Variants in BRINP3 observed in about 807,000 individuals in gnomAD.
BRINP3 encodes BMP/retinoic acid inducible neural specific 3, also known as BMP/retinoic acid-inducible neural-specific protein 3.
BRINP3 carries 19 observed loss-of-function variants against 71.0 expected under a neutral mutation model. That is an observed-to-expected ratio of 0.27 (90% CI 0.19 to 0.39). BRINP3 has a LOEUF of 0.39. Ranked by LOEUF, BRINP3 falls within the 10% of genes least tolerant of loss-of-function variation. The probability of loss-of-function intolerance (pLI) is 1.00; values close to 1 mark genes in which losing one functional copy is unlikely to be tolerated. For synonymous variants in BRINP3, 380 were observed against 337.7 expected (o/e 1.13, Z -1.37); for missense variants, 959 against 940.8 (o/e 1.02, Z -0.25).
In BRINP3 at chr1:190,226,174, T is replaced by C. The variant is rs201980106; in HGVS notation, c.869A>G (p.Asn290Ser). Residue 290 changes from asparagine to serine, a missense_variant, in exon 6 of 8, where the codon AAC (asparagine) becomes AGC (serine). Coordinates refer to ENST00000367462, the MANE Select transcript of BRINP3 (RefSeq NM_199051.3). ...GGCTTGAATGTCCATGGAGGGGCAG[T>C]TGCATTCTGGAAATTTGGGACCACA... The part of the protein sequence containing the change: ...CHCGPKFPEC[N>S]CPSMDIQAME... 99 of 1,612,572 alleles carry C rather than the reference T, an allele frequency of 6.1e-5. No homozygotes were observed. The South Asian group carries it at 9.4e-4, about 15-fold the overall frequency.
chr1:190,230,747 G>T (rs1193370492), intron 5 of BRINP3, among the ~76,000 whole-genome samples: 3 of 151,418 alleles, frequency 2.0e-5, no homozygotes, highest in Non-Finnish European at 4.4e-5. Flanking sequence ...AGTGGAAAAA[G>T]AATTGTTCCT....
chr1:190,401,589 T>C (rs565883909), intron 2 of BRINP3, among the ~76,000 whole-genome samples: 15 of 152,120 alleles, frequency 9.9e-5, no homozygotes, highest in African/African-American at 2.9e-4. Flanking sequence ...ACCTATGGAA[T>C]CGGAAATCTG....
chr1:190,344,776 C>A lies in BRINP3; in HGVS notation c.237-63026G>T, dbSNP rs939819154. Reference sequence around the variant, plus strand: ...CTAGCTAAATAATGATAGTGGTAGACACAGTATTAAATTATTGCTAGTCAG... The same window carrying A: ...CTAGCTAAATAATGATAGTGGTAGAAACAGTATTAAATTATTGCTAGTCAG... On this transcript the variant is annotated intron_variant, in intron 2 of 7. Transcript: ENST00000367462. Among the ~76,000 whole-genome samples, 4 of 151,742 alleles carry A rather than the reference C, an allele frequency of 2.6e-5. No homozygotes were observed. The South Asian group carries it at 8.3e-4, about 32-fold the overall frequency.
At chr1:190,441,020 T>A (rs1674780348) in intron 2 of BRINP3, among the ~76,000 whole-genome samples, 1 of 151,986 alleles carries the variant, frequency 6.6e-6, no homozygotes, top group Non-Finnish European at 1.5e-5. Flanking sequence ...AATTCACTTA[T>A]TTTCTCCTTA....
At chr1:190,239,039 G>A (rs1452818767) in intron 4 of BRINP3, among the ~76,000 whole-genome samples, 1 of 152,122 alleles carries the variant, frequency 6.6e-6, no homozygotes, top group Non-Finnish European at 1.5e-5. Flanking sequence ...GTCTTACATG[G>A]TGGCAGGTGA....
chr1:190,218,210 G>A (rs1656573856), intron 6 of BRINP3, among the ~76,000 whole-genome samples: 1 of 151,592 alleles, frequency 6.6e-6, no homozygotes, highest in Admixed American at 6.6e-5. Flanking sequence ...ATCAGCCCTT[G>A]CTTAGGCAAA....
At chr1:190,243,155 T>C (rs1659271911) in intron 4 of BRINP3, among the ~76,000 whole-genome samples, 1 of 152,114 alleles carries the variant, frequency 6.6e-6, no homozygotes. Flanking sequence ...GGTTCTTAAA[T>C]TATTGATTTA....
chr1:190,391,785 T>C (rs1671266297), intron 2 of BRINP3, among the ~76,000 whole-genome samples: 1 of 151,762 alleles, frequency 6.6e-6, no homozygotes, highest in Admixed American at 6.6e-5. Context: ...GCTTACCAGA[T>C]TATTAGTGTC....
intron 7 of BRINP3, among the ~76,000 whole-genome samples, chr1:190,126,344 C>G (rs1373144157): frequency 6.6e-6 from 1 of 151,828 alleles, no homozygotes; most frequent in African/African-American, 2.4e-5. Flanking sequence ...CTTGAATTTG[C>G]AGAACTATCT....
chr1:190,319,941 A>G (rs985117721), intron 2 of BRINP3, among the ~76,000 whole-genome samples: 1 of 152,106 alleles, frequency 6.6e-6, no homozygotes, highest in Admixed American at 6.6e-5. Context: ...TGTCATTTTT[A>G]AATTTTAAAA....
At chr1:190,453,201 G>GTTTTTTTTTTTTTTTTTTTTTTTTTTTTT (rs745819844) in intron 2 of BRINP3, among the ~76,000 whole-genome samples, 2 of 37,856 alleles carry the variant, frequency 5.3e-5, no homozygotes, top group African/African-American at 7.8e-5. Context: ...AAAAACTTTA[G>GTTTTTTTTTTTTTTTTTTTTTTTTTTTTT]TATTTTTTTT....
chr1:190,473,161 C>T (rs1677256194), intron 1 of BRINP3, among the ~76,000 whole-genome samples: 1 of 151,870 alleles, frequency 6.6e-6, no homozygotes, highest in South Asian at 2.1e-4. Context: ...TATGTATACA[C>T]ACACACAAAC....
intron 2 of BRINP3, among the ~76,000 whole-genome samples, chr1:190,340,749 A>C (rs935576841): frequency 1.3e-5 from 2 of 151,564 alleles, no homozygotes; most frequent in African/African-American, 4.8e-5. Context: ...CAAAAAAAAA[A>C]ATCTGTGTAA....
intron 2 of BRINP3, among the ~76,000 whole-genome samples, chr1:190,350,234 T>A (rs1668291100): frequency 6.6e-6 from 1 of 151,970 alleles, no homozygotes; most frequent in South Asian, 2.1e-4. Flanking sequence ...TCTACAAATC[T>A]CCTTAAATGT....
chr1:190,227,980 A>G (rs1221390890), intron 5 of BRINP3, among the ~76,000 whole-genome samples: 3 of 151,946 alleles, frequency 2.0e-5, no homozygotes, highest in Non-Finnish European at 2.9e-5. Flanking sequence ...AGAGTTGACT[A>G]ATTTTTAAGA....
intron 6 of BRINP3, among the ~76,000 whole-genome samples, chr1:190,210,388 C>A (rs1027705322): frequency 1.3e-5 from 2 of 151,920 alleles, no homozygotes; most frequent in African/African-American, 4.8e-5. Flanking sequence ...TTTTATGATG[C>A]TGAATCAAAG....
Position 190,140,725 on chromosome 1 carries a change from A to G in BRINP3, c.1184+19943T>C, listed in dbSNP as rs117263116. On this transcript the variant is annotated intron_variant, in intron 7 of 7. Transcript: ENST00000367462. ...TTTCAAAACAGCACATAAACATTGA[A>G]CTAGTCACATAATTCAAGGATACCA... Among the ~76,000 whole-genome samples the G allele has an allele frequency of 2.4e-4, 36 of 152,332 alleles. No homozygotes were observed. The East Asian group carries it at 6.9e-3, about 29-fold the overall frequency.
intron 3 of BRINP3, among the ~76,000 whole-genome samples, chr1:190,277,089 A>G (rs529388940): frequency 3.0e-4 from 27 of 91,194 alleles, no homozygotes; most frequent in African/African-American, 9.3e-4. Context: ...TTTTGGTTTT[A>G]TATATATATA....
intron 6 of BRINP3, among the ~76,000 whole-genome samples, chr1:190,200,433 A>C (rs907166119): frequency 6.6e-6 from 1 of 152,122 alleles, no homozygotes; most frequent in Non-Finnish European, 1.5e-5. Context: ...TATTCACAGA[A>C]AGCAGACTAC....
Sources: gnomAD v4.1 joint callset for allele counts (sites outside exome capture counted in the v4.1 genomes callset) on GRCh38, gnomAD v4.1.1 for gene constraint, MANE v1.5 for transcripts, NCBI Gene and HGNC (gene_info 2026-07-23, HGNC 2026-07-21) for gene names.